Variants in MYO6 observed in about 807,000 individuals in gnomAD.
MYO6 encodes unconventional myosin-VI.
A neutral mutation model predicts 178.7 loss-of-function variants in MYO6; 74 were observed. The ratio of observed to expected loss-of-function variants is 0.41; its 90% CI spans 0.34 to 0.50. The LOEUF (loss-of-function observed/expected upper bound fraction) is 0.50, where lower values mean the gene tolerates loss of function less well. MYO6 is among the 20% of genes least tolerant of loss of function. The pLI, the probability that MYO6 is intolerant of heterozygous loss-of-function variation, is 0.09. For missense variants in MYO6, 1,330 were observed against 1,547.4 expected (o/e 0.86, Z 2.36); for synonymous variants, 477 against 504.6 (o/e 0.95, Z 0.73).
chr6:75,788,167 A>C (rs777465987), intron 1 of MYO6, among the ~76,000 whole-genome samples: 4 of 152,144 alleles, frequency 2.6e-5, no homozygotes, highest in Non-Finnish European at 5.9e-5. Context: ...GCACATTAAC[A>C]GTGCAAAAGT....
intron 19 of MYO6, 103 bp from the exon 20 acceptor site, chr6:75,873,104 C>A: frequency 2.2e-6 from 2 of 896,834 alleles, no homozygotes; most frequent in South Asian, 1.4e-5. Flanking sequence ...TTTACAGGTT[C>A]ATATGTTAAT....
rs192416978 is a variant in MYO6 at position 75,850,737 on chromosome 6, A to C, written c.1078+2206A>C. 1.4e-4 allele frequency among the ~76,000 whole-genome samples: 22 copies of C among 152,322 alleles called. No homozygotes were observed. The East Asian group carries it at 4.2e-3, about 29-fold the overall frequency. ...TTTCGTGTCTTAGTTTCCTCACTGT[A>C]AACTGAAGATAATAGTACCTACCTC... is the stretch of plus-strand genomic sequence containing the variant. On this transcript the variant is annotated intron_variant, in intron 11 of 34. Coordinates refer to ENST00000369977, the MANE Select transcript of MYO6 (RefSeq NM_004999.4).
chr6:75,837,535 C>T (rs1773767507), intron 7 of MYO6, among the ~76,000 whole-genome samples: 1 of 152,130 alleles, frequency 6.6e-6, no homozygotes, highest in African/African-American at 2.4e-5. Flanking sequence ...CTCTTGACAT[C>T]TTAAAGAAAA....
At chr6:75,769,443 A>G (rs1221511400) in intron 1 of MYO6, among the ~76,000 whole-genome samples, 1 of 152,236 alleles carries the variant, frequency 6.6e-6, no homozygotes, top group Non-Finnish European at 1.5e-5. Context: ...GAATTGGCTA[A>G]AAGAAAGGGG....
At chr6:75,760,862 G>A (rs1389516517) in intron 1 of MYO6, among the ~76,000 whole-genome samples, 2 of 152,030 alleles carry the variant, frequency 1.3e-5, no homozygotes, top group African/African-American at 4.8e-5. Context: ...GATATTTGAG[G>A]CTCTTAGTTT....
intron 1 of MYO6, among the ~76,000 whole-genome samples, chr6:75,759,058 C>T (rs1327748409): frequency 2.0e-5 from 3 of 151,544 alleles, no homozygotes; most frequent in East Asian, 3.9e-4. Flanking sequence ...TTAGTGGAGA[C>T]GGGGTTTCAC....
At chr6:75,759,888 C>A (rs1777801161) in intron 1 of MYO6, among the ~76,000 whole-genome samples, 1 of 152,102 alleles carries the variant, frequency 6.6e-6, no homozygotes, top group African/African-American at 2.4e-5. Context: ...ACACAAAGCA[C>A]TTTTGTTAAT....
intron 30 of MYO6, 135 bp from the exon 31 acceptor site, chr6:75,907,470 T>C (rs1250306718): frequency 1.5e-6 from 1 of 688,134 alleles, no homozygotes; most frequent in Non-Finnish European, 2.5e-6. Flanking sequence ...TAATCTCATC[T>C]GTCAAAGAAA....
chr6:75,838,952 G>A (rs142762394), intron 7 of MYO6, among the ~76,000 whole-genome samples: 5 of 151,960 alleles, frequency 3.3e-5, no homozygotes, highest in African/African-American at 7.2e-5. Flanking sequence ...GAGCCACCGC[G>A]CCTGGCTGAC....
intron 7 of MYO6, among the ~76,000 whole-genome samples, chr6:75,836,715 T>C (rs2150235127): frequency 6.6e-6 from 1 of 152,010 alleles, no homozygotes; most frequent in East Asian, 1.9e-4. Flanking sequence ...CCCGAGTAGC[T>C]GGGATTACAG....
chr6:75,763,184 T>C (rs1778103749), intron 1 of MYO6, among the ~76,000 whole-genome samples: 1 of 151,984 alleles, frequency 6.6e-6, no homozygotes, highest in African/African-American at 2.4e-5. Flanking sequence ...CTGCCACGCC[T>C]GGTTAATTCT....
chr6:75,849,468 A>G (rs17794529), intron 11 of MYO6, among the ~76,000 whole-genome samples: 1 of 152,054 alleles, frequency 6.6e-6, no homozygotes, highest in East Asian at 1.9e-4. Context: ...CTCACTTGCA[A>G]GATTAAATAA....
At chr6:75,879,992 T>C in intron 21 of MYO6, 42 bp downstream of exon 21, 1 of 1,613,570 alleles carries the variant, frequency 6.2e-7, no homozygotes, top group Non-Finnish European at 8.5e-7. Flanking sequence ...GCTATGAACT[T>C]GTCTTTTCTA....
At position 75,886,214 on chromosome 6, in the gene MYO6, A is replaced by G. The variant is rs1461915971; in HGVS notation, c.2507+120A>G. The G allele has an allele frequency of 4.5e-6, 3 of 670,016 alleles. No homozygotes were observed. In the East Asian group the frequency reaches 8.3e-5, roughly 19 times the overall value. 41.5% of individuals were successfully genotyped at this position (670,016 alleles called of 1,614,324 possible). A position where few individuals can be genotyped will look rare whatever the true frequency, so the allele number is the denominator to read the frequency against. ...CAGGTTTTCTCATGTTCTTTGTAAA[A>G]TGATGTATTAGTCTTTTATTTGTAA... On this transcript the variant is annotated intron_variant, in intron 24 of 34. Transcript: ENST00000369977.
intron 1 of MYO6, among the ~76,000 whole-genome samples, chr6:75,794,104 G>A (rs1256993652): frequency 6.6e-6 from 1 of 152,180 alleles, no homozygotes; most frequent in African/African-American, 2.4e-5. Flanking sequence ...AGAAAGTCAA[G>A]TGGAGGACAT....
At chr6:75,820,383 T>G (rs1771748284) in intron 2 of MYO6, among the ~76,000 whole-genome samples, 1 of 152,186 alleles carries the variant, frequency 6.6e-6, no homozygotes, top group Non-Finnish European at 1.5e-5. Flanking sequence ...ATTTATTTAT[T>G]TTTGAGTTGG....
Position 75,807,476 on chromosome 6 carries a change from A to G in MYO6, c.-47-10025A>G, listed in dbSNP as rs952674905. Among the ~76,000 whole-genome samples, 5 of 151,258 alleles carry G rather than the reference A, an allele frequency of 3.3e-5. No individual in the cohort carries two copies. The East Asian group carries it at 5.8e-4, about 18-fold the overall frequency. Reference sequence around the variant, plus strand: ...TGTGGAGGGATTTTTTTTTCCTGGTATTTTGATGCTGGATTATTTTTACTA... The same window carrying G: ...TGTGGAGGGATTTTTTTTTCCTGGTGTTTTGATGCTGGATTATTTTTACTA... On this transcript the variant is annotated intron_variant, in intron 1 of 34. Transcript: ENST00000369977.
intron 1 of MYO6, among the ~76,000 whole-genome samples, chr6:75,800,723 G>T (rs1420465647): frequency 6.6e-6 from 1 of 151,828 alleles, no homozygotes; most frequent in East Asian, 1.9e-4. Context: ...AGAAAATGGG[G>T]CATTACTATT....
intron 1 of MYO6, among the ~76,000 whole-genome samples, chr6:75,783,177 A>G (rs1436207278): frequency 6.6e-6 from 1 of 152,090 alleles, no homozygotes. Flanking sequence ...TTGCCCTCCC[A>G]AAATTCTGGG....
Sources: gnomAD v4.1 joint callset for allele counts (sites outside exome capture counted in the v4.1 genomes callset) on GRCh38, gnomAD v4.1.1 for gene constraint, MANE v1.5 for transcripts, NCBI Gene and HGNC (gene_info 2026-07-23, HGNC 2026-07-21) for gene names.